CACNA2D3: variants seen among roughly 807,000 people sequenced by gnomAD.
The protein encoded by CACNA2D3 is calcium voltage-gated channel auxiliary subunit alpha2delta 3.
A neutral mutation model predicts 160.6 loss-of-function variants in CACNA2D3; 60 were observed. The observed-to-expected ratio is 0.37, with a 90% CI of 0.30 to 0.46. The LOEUF (loss-of-function observed/expected upper bound fraction) is 0.46. CACNA2D3 is among the 20% of genes least tolerant of loss of function. The probability of loss-of-function intolerance (pLI) is 1.00; values close to 1 mark genes in which losing one functional copy is unlikely to be tolerated. For missense variants in CACNA2D3, 1,205 were observed against 1,365.0 expected, an observed-to-expected ratio of 0.88 and a Z score of 1.85; for synonymous variants, 558 against 492.9, an observed-to-expected ratio of 1.13 and a Z score of -1.75.
At chr3:54,971,932 A>G (rs1007641177) in intron 29 of CACNA2D3, among the ~76,000 whole-genome samples, 4 of 152,254 alleles carry the variant, frequency 2.6e-5, no homozygotes. Flanking sequence ...AAGAATGAAT[A>G]GATAAGACAT....
chr3:54,821,843 T>A (rs1220212472), intron 14 of CACNA2D3, among the ~76,000 whole-genome samples: 1 of 152,068 alleles, frequency 6.6e-6, no homozygotes, highest in Non-Finnish European at 1.5e-5. Flanking sequence ...AGGCATCATT[T>A]ATCATTCTTT....
chr3:54,613,276 GA>G (rs1298221221), intron 9 of CACNA2D3, among the ~76,000 whole-genome samples: 1 of 152,222 alleles, frequency 6.6e-6, no homozygotes, highest in Admixed American at 6.5e-5. Flanking sequence ...ATTCAAAAAA[GA>G]AAAAAGTTTC....
chr3:54,919,202 G>A (rs1029762773), intron 27 of CACNA2D3, among the ~76,000 whole-genome samples: 2 of 152,244 alleles, frequency 1.3e-5, no homozygotes, highest in Non-Finnish European at 2.9e-5. Flanking sequence ...CACGCTGGGG[G>A]CCGATGGTGA....
At chr3:54,919,534 T>A (rs146027510) in intron 27 of CACNA2D3, among the ~76,000 whole-genome samples, 4 of 152,262 alleles carry the variant, frequency 2.6e-5, no homozygotes, top group African/African-American at 9.6e-5. Context: ...TCCAGTGGGT[T>A]ATTAAACCCA....
intron 2 of CACNA2D3, among the ~76,000 whole-genome samples, chr3:54,176,548 A>G (rs1700682315): frequency 6.6e-6 from 1 of 152,190 alleles, no homozygotes; most frequent in Non-Finnish European, 1.5e-5. Context: ...AACAAGTGGT[A>G]TGCACACCTG....
intron 3 of CACNA2D3, among the ~76,000 whole-genome samples, chr3:54,371,943 A>G (rs556309488): frequency 2.4e-4 from 37 of 152,364 alleles, no homozygotes; most frequent in African/African-American, 8.9e-4. Context: ...TTATTTGTCT[A>G]CTATAGAAAT....
At chr3:54,148,726 C>T (rs1054550895) in intron 2 of CACNA2D3, among the ~76,000 whole-genome samples, 1 of 152,090 alleles carries the variant, frequency 6.6e-6, no homozygotes, top group Non-Finnish European at 1.5e-5. Flanking sequence ...CCTGTATTCC[C>T]AGCATTCTGG....
rs191883540 is a variant in CACNA2D3 at position 54,191,653 on chromosome 3, G to C, written c.204+68059G>C. 9.2e-5 allele frequency among the ~76,000 whole-genome samples: 14 copies of C among 152,194 alleles called. No individual in the cohort carries two copies. The East Asian group carries it at 2.7e-3, about 29-fold the overall frequency. ...AGTGGCAAATTCAGCCTCCCTCATG[G>C]ACAGGTTGGCTTTGAAGAGCTGAGC... On this transcript the variant is annotated intron_variant, in intron 2 of 37. Coordinates refer to ENST00000474759, the MANE Select transcript of CACNA2D3 (RefSeq NM_018398.3).
chr3:54,871,416 C>T, intron 17 of CACNA2D3, 123 bp from the exon 18 acceptor site: 1 of 657,316 alleles, frequency 1.5e-6, no homozygotes, highest in Non-Finnish European at 2.6e-6. Flanking sequence ...CTGGGCTTCT[C>T]ACCCTCATCG....
At chr3:54,820,728 A>G (rs1703571245) in intron 14 of CACNA2D3, among the ~76,000 whole-genome samples, 1 of 152,192 alleles carries the variant, frequency 6.6e-6, no homozygotes, top group African/African-American at 2.4e-5. Context: ...AGAGAGGTCT[A>G]TGTGTAAGAA....
At chr3:54,987,797 TAAA>T in intron 31 of CACNA2D3, 44 bp downstream of exon 31, 1 of 1,436,122 alleles carries the variant, frequency 7.0e-7, no homozygotes, top group Non-Finnish European at 9.5e-7. Flanking sequence ...AAAGTTTTCC[TAAA>T]TAAAATAAAA....
At chr3:54,754,514 G>T (rs565795402) in intron 12 of CACNA2D3, among the ~76,000 whole-genome samples, 1 of 152,190 alleles carries the variant, frequency 6.6e-6, no homozygotes, top group African/African-American at 2.4e-5. Context: ...TCTGGGTCCT[G>T]TTGGCCTCCC....
intron 2 of CACNA2D3, among the ~76,000 whole-genome samples, chr3:54,290,203 A>C (rs2107475543): frequency 1.3e-5 from 2 of 152,286 alleles, no homozygotes; most frequent in South Asian, 2.1e-4. Flanking sequence ...AACTCAAACA[A>C]ATTTACAAGA....
chr3:54,180,685 T>C (rs1336407414), intron 2 of CACNA2D3, among the ~76,000 whole-genome samples: 1 of 152,214 alleles, frequency 6.6e-6, no homozygotes, highest in African/African-American at 2.4e-5. Context: ...AAGTCATATA[T>C]TGCTGCTTCT....
intron 3 of CACNA2D3, among the ~76,000 whole-genome samples, chr3:54,325,580 C>A (rs1006197754): frequency 1.3e-5 from 2 of 152,122 alleles, no homozygotes; most frequent in African/African-American, 4.8e-5. Flanking sequence ...TAAATGTCAG[C>A]CTATGCAGAC....
chr3:54,464,078 G>A (rs985536185), intron 4 of CACNA2D3, among the ~76,000 whole-genome samples: 1 of 152,208 alleles, frequency 6.6e-6, no homozygotes, highest in African/African-American at 2.4e-5. Flanking sequence ...GGTGGCTGCA[G>A]AACAGCAGTT....
intron 35 of CACNA2D3, among the ~76,000 whole-genome samples, chr3:55,019,326 G>A (rs1395054314): frequency 6.6e-6 from 1 of 151,290 alleles, no homozygotes; most frequent in Non-Finnish European, 1.5e-5. Flanking sequence ...TACTAATTTT[G>A]GAACTAGCTT....
intron 2 of CACNA2D3, among the ~76,000 whole-genome samples, chr3:54,138,230 T>C (rs1699854836): frequency 6.6e-6 from 1 of 152,214 alleles, no homozygotes; most frequent in Admixed American, 6.5e-5. Flanking sequence ...ATTTGCCTCT[T>C]CCTTTGCCAG....
intron 27 of CACNA2D3, chr3:54,918,470 A>G (rs1367795123): frequency 1.1e-5 from 17 of 1,612,144 alleles, no homozygotes; most frequent in Middle Eastern, 1.6e-4. Context: ...CAGGCTGGTG[A>G]GCTGTCAAAT....
Sources: allele counts gnomAD v4.1 joint callset (sites outside exome capture counted in the v4.1 genomes callset), GRCh38; gene constraint gnomAD v4.1.1; transcripts MANE v1.5; gene names NCBI Gene and HGNC (gene_info 2026-07-23, HGNC 2026-07-21).